GALNTL6: variants seen among roughly 807,000 people sequenced by gnomAD.
GALNTL6 encodes polypeptide N-acetylgalactosaminyltransferase like 6, also known as polypeptide N-acetylgalactosaminyltransferase-like 6.
In GALNTL6, 46 loss-of-function variants were observed where a neutral mutation model predicts 73.7. The ratio of observed to expected loss-of-function variants is 0.62; its 90% CI spans 0.49 to 0.80. The LOEUF is 0.80. Ranked by LOEUF, GALNTL6 falls within the 30% of genes least tolerant of loss-of-function variation. The pLI is 0.00. For missense variants in GALNTL6, 604 were observed against 755.0 expected, an observed-to-expected ratio of 0.80 and a Z score of 2.34; for synonymous variants, 259 against 263.7, an observed-to-expected ratio of 0.98 and a Z score of 0.17.
At chr4:172,519,113 CAT>C (rs1057012212) in intron 5 of GALNTL6, among the ~76,000 whole-genome samples, 2 of 151,084 alleles carry the variant, frequency 1.3e-5, no homozygotes, top group African/African-American at 2.4e-5. Flanking sequence ...CACACACACA[CAT>C]ACACCCACAC....
intron 2 of GALNTL6, among the ~76,000 whole-genome samples, chr4:172,076,150 A>G (rs1192863195): frequency 1.3e-5 from 2 of 152,208 alleles, no homozygotes; most frequent in Admixed American, 6.5e-5. Context: ...TGCCCAAGAA[A>G]GTCCTCATTA....
intron 5 of GALNTL6, among the ~76,000 whole-genome samples, chr4:172,420,778 T>C (rs1006160012): frequency 6.6e-6 from 1 of 152,048 alleles, no homozygotes; most frequent in Non-Finnish European, 1.5e-5. Context: ...CGCCCATCAA[T>C]GATAGACTAG....
At chr4:172,859,993 A>G (rs1452628388) in intron 7 of GALNTL6, among the ~76,000 whole-genome samples, 3 of 152,208 alleles carry the variant, frequency 2.0e-5, no homozygotes, top group Admixed American at 6.5e-5. Context: ...ATTATACATT[A>G]CAATGTCATA....
chr4:172,085,530 G>GTA (rs140840792), intron 2 of GALNTL6, among the ~76,000 whole-genome samples: 4,980 of 151,734 alleles, frequency 0.033, 269 homozygotes, highest in African/African-American at 0.11. Context: ...TCAAAAATAT[G>GTA]TATATATATT....
chr4:171,894,426 T>A (rs1736850057), intron 2 of GALNTL6, among the ~76,000 whole-genome samples: 1 of 152,056 alleles, frequency 6.6e-6, no homozygotes, highest in African/African-American at 2.4e-5. Flanking sequence ...GCAGCCCTTT[T>A]AGTAATTGCA....
chr4:172,026,891 T>G (rs1199359505), intron 2 of GALNTL6, among the ~76,000 whole-genome samples: 2 of 152,132 alleles, frequency 1.3e-5, no homozygotes, highest in African/African-American at 4.8e-5. Flanking sequence ...TTTTATTTAT[T>G]TATTTTTTGA....
In GALNTL6 at chr4:172,713,705, T is replaced by C. The variant is rs1734868987; in HGVS notation, c.554-95656T>C. ...CAAGTCAGAAACCAGGGAGTCTGCC[T>C]ATGCCCATTCTTCTCTCTAATTAGT... On this transcript the variant is annotated intron_variant, in intron 5 of 12. Coordinates refer to ENST00000506823, the MANE Select transcript of GALNTL6 (RefSeq NM_001034845.3). Among the ~76,000 whole-genome samples the C allele has an allele frequency of 2.0e-5, 3 of 152,196 alleles. No homozygotes were observed. In the South Asian group the frequency reaches 6.2e-4, roughly 31 times the overall value.
intron 2 of GALNTL6, among the ~76,000 whole-genome samples, chr4:172,113,411 C>A (rs1459093960): frequency 1.3e-5 from 2 of 151,946 alleles, no homozygotes; most frequent in Admixed American, 6.6e-5. Flanking sequence ...TATGAAGTAA[C>A]TGTAGTATTA....
intron 5 of GALNTL6, among the ~76,000 whole-genome samples, chr4:172,713,546 C>T (rs892854900): frequency 5.3e-5 from 8 of 152,018 alleles, no homozygotes; most frequent in African/African-American, 1.9e-4. Flanking sequence ...TTCCTCTCAC[C>T]CAAAAGCACC....
At chr4:172,166,436 ACT>A (rs1418663951) in intron 2 of GALNTL6, among the ~76,000 whole-genome samples, 3 of 151,748 alleles carry the variant, frequency 2.0e-5, no homozygotes, top group Non-Finnish European at 4.4e-5. Context: ...ACAGAGCAAG[ACT>A]CTGTCTCAAA....
rs146444762 is a variant in GALNTL6 at position 172,096,122 on chromosome 4, GAGAC to G, written c.139-133531_139-133528del. Among the ~76,000 whole-genome samples, 803 of 151,048 alleles carry G rather than the reference GAGAC, an allele frequency of 5.3e-3. 5 individuals carry two copies. Among genetic ancestry groups the G allele is most frequent in the African/African-American group, 0.019 (763 of 41,132 alleles). ...TGTGTGTGTGTGTATGTGTGTTTAA[GAGAC>G]AGGGTCTTATTCTGTTGCCCAGGCT... is the stretch of plus-strand genomic sequence containing the variant. On this transcript the variant is annotated intron_variant, in intron 2 of 12. Coordinates refer to ENST00000506823, the MANE Select transcript of GALNTL6 (RefSeq NM_001034845.3).
intron 2 of GALNTL6, chr4:172,052,381 C>T (rs927611209): frequency 8.0e-7 from 1 of 1,255,826 alleles, no homozygotes; most frequent in Non-Finnish European, 1.1e-6. Context: ...TGCACACCTT[C>T]ACATCCTTCA....
At chr4:172,773,859 T>G (rs1206394908) in intron 5 of GALNTL6, among the ~76,000 whole-genome samples, 1 of 152,204 alleles carries the variant, frequency 6.6e-6, no homozygotes, top group African/African-American at 2.4e-5. Context: ...GATAGTATGT[T>G]CTCTAAATTA....
At chr4:172,789,185 G>T (rs1383676926) in intron 5 of GALNTL6, among the ~76,000 whole-genome samples, 2 of 152,166 alleles carry the variant, frequency 1.3e-5, no homozygotes, top group African/African-American at 2.4e-5. Flanking sequence ...ACAGCCACAG[G>T]TCTAGGCCTC....
In GALNTL6 at chr4:172,918,284, G is replaced by A. The variant is rs186946975; in HGVS notation, c.1042-12877G>A. 3.8e-3 allele frequency among the ~76,000 whole-genome samples: 574 copies of A among 152,148 alleles called. 6 individuals are homozygous for A. Among genetic ancestry groups the A allele is most frequent in the Non-Finnish European group, 3.5e-3 (239 of 68,012 alleles). On this transcript the variant is annotated intron_variant, in intron 8 of 12. Transcript: ENST00000506823. ...GATAGCATTAGGAGAAATACCTAAT[G>A]TAAATGATGAGTTAATGGGTGCAGC...
At chr4:172,410,927 C>T (rs1373850832) in intron 5 of GALNTL6, among the ~76,000 whole-genome samples, 1 of 152,066 alleles carries the variant, frequency 6.6e-6, no homozygotes, top group Non-Finnish European at 1.5e-5. Context: ...GCAGGCTTCA[C>T]ATTTATTATG....
chr4:172,492,790 A>T (rs1733942298), intron 5 of GALNTL6, among the ~76,000 whole-genome samples: 1 of 152,200 alleles, frequency 6.6e-6, no homozygotes, highest in African/African-American at 2.4e-5. Flanking sequence ...GGTCATACTA[A>T]ATGTTTAATA....
chr4:172,642,269 C>T (rs2111125364), intron 5 of GALNTL6, among the ~76,000 whole-genome samples: 1 of 152,112 alleles, frequency 6.6e-6, no homozygotes, highest in East Asian at 1.9e-4. Context: ...AAAGAGATAT[C>T]TGCACTTCCA....
intron 2 of GALNTL6, among the ~76,000 whole-genome samples, chr4:172,128,386 T>C (rs1455917925): frequency 6.6e-6 from 1 of 152,114 alleles, no homozygotes; most frequent in African/African-American, 2.4e-5. Context: ...TAAACATATA[T>C]ATAAAAATTT....
Sources: allele counts gnomAD v4.1 joint callset (sites outside exome capture counted in the v4.1 genomes callset), GRCh38; gene constraint gnomAD v4.1.1; transcripts MANE v1.5; gene names NCBI Gene and HGNC (gene_info 2026-07-23, HGNC 2026-07-21).